EPC2: variants seen among roughly 807,000 people sequenced by gnomAD.
The protein encoded by EPC2 is enhancer of polycomb 2.
A neutral mutation model predicts 92.1 loss-of-function variants in EPC2; 14 were observed. The ratio of observed to expected loss-of-function variants is 0.15; its 90% CI spans 0.10 to 0.24. EPC2 has a LOEUF of 0.24. EPC2 is among the 10% of genes least tolerant of loss of function. The probability of loss-of-function intolerance (pLI) is 1.00; values close to 1 mark genes in which losing one functional copy is unlikely to be tolerated. For synonymous variants in EPC2, 340 were observed against 334.7 expected, an observed-to-expected ratio of 1.02 and a Z score of -0.17; for missense variants, 755 against 971.5, an observed-to-expected ratio of 0.78 and a Z score of 2.96.
chr2:148,689,142 G>A (rs1681590294), intron 1 of EPC2, among the ~76,000 whole-genome samples: 1 of 152,018 alleles, frequency 6.6e-6, no homozygotes, highest in African/African-American at 2.4e-5. Context: ...TTGGAAATGA[G>A]ATAAGAGAGA....
intron 10 of EPC2, among the ~76,000 whole-genome samples, chr2:148,775,775 CTT>C (rs70995334): frequency 1.3e-4 from 12 of 92,288 alleles, no homozygotes; most frequent in African/African-American, 5.0e-4. Flanking sequence ...AATTTCTTTT[CTT>C]TTTTTTTTTT....
At position 148,644,830 on chromosome 2, in the gene EPC2, GCGGGCGCGGGGGGCTGTTTT is replaced by G. The variant is rs1215473186; in HGVS notation, c.-181_-162del. On this transcript the variant is annotated 5_prime_UTR_variant, in exon 1 of 14. Coordinates refer to ENST00000258484, the MANE Select transcript of EPC2 (RefSeq NM_015630.4). ...GCGGATCTAGTGTGTGGAGGCGGCC[GCGGGCGCGGGGGGCTGTTTT>G]CGGGCGGGGTGGGCGCCCATGCTGT... is the stretch of plus-strand genomic sequence containing the variant. 8.4e-5 allele frequency among the ~76,000 whole-genome samples: 1 copy of G among 11,938 alleles called. No homozygotes were observed. Among genetic ancestry groups the G allele is most frequent in the Non-Finnish European group, 1.8e-4 (1 of 5,586 alleles). 7.8% of individuals were successfully genotyped at this position (11,938 alleles called of 152,430 possible).
At chr2:148,679,314 C>A (rs1236464454) in intron 1 of EPC2, among the ~76,000 whole-genome samples, 1 of 152,138 alleles carries the variant, frequency 6.6e-6, no homozygotes, top group Non-Finnish European at 1.5e-5. Flanking sequence ...AAATTTGATT[C>A]TCTTGTAAAA....
At chr2:148,729,381 A>G (rs1029724849) in intron 2 of EPC2, among the ~76,000 whole-genome samples, 4 of 152,206 alleles carry the variant, frequency 2.6e-5, no homozygotes, top group African/African-American at 7.2e-5. Context: ...CAAAGGTAGT[A>G]TAGATAGTTC....
At chr2:148,773,490 T>G (rs994650948) in intron 10 of EPC2, among the ~76,000 whole-genome samples, 1 of 152,162 alleles carries the variant, frequency 6.6e-6, no homozygotes, top group Non-Finnish European at 1.5e-5. Flanking sequence ...ACAAGTAAGG[T>G]ACATTAGAAT....
intron 1 of EPC2, among the ~76,000 whole-genome samples, chr2:148,678,673 C>G (rs576913726): frequency 2.0e-5 from 3 of 152,386 alleles, no homozygotes; most frequent in Admixed American, 2.0e-4. Flanking sequence ...CTGGGGCCGG[C>G]TGCTCCGAGT....
intron 1 of EPC2, among the ~76,000 whole-genome samples, chr2:148,672,194 G>C (rs1157730542): frequency 6.6e-6 from 1 of 152,106 alleles, no homozygotes; most frequent in Non-Finnish European, 1.5e-5. Flanking sequence ...TAACTCATTT[G>C]TCTTTATGTA....
Position 148,722,312 on chromosome 2 carries a change from T to A in EPC2, c.314-21310T>A, listed in dbSNP as rs1177366414. On this transcript the variant is annotated intron_variant, in intron 2 of 13. Transcript: ENST00000258484. ...GGGGGCTGGAGTTGGGTATTTCTCT[T>A]CTCCTGCATGGAAGACTAGAGGCAG... is the stretch of plus-strand genomic sequence containing the variant. 3.3e-5 allele frequency among the ~76,000 whole-genome samples: 5 copies of A among 152,232 alleles called. No individual in the cohort carries two copies. In the East Asian group the frequency reaches 9.7e-4, roughly 29 times the overall value.
chr2:148,771,222 A>G lies in EPC2; in HGVS notation c.1555A>G (p.Asn519Asp), dbSNP rs1279378157. 6.2e-7 allele frequency: 1 copy of G among 1,613,864 alleles called. No individual in the cohort carries two copies. The highest frequency in any genetic ancestry group is 2.2e-5 in the East Asian group (1 of 44,884). ...NRLSLSEILSNIRSCRLQCFQ... is the reference protein window; with the variant it reads ...NRLSLSEILSDIRSCRLQCFQ... ...ACTGTCTCTTTCTGAAATATTAAGC[A>G]ATATCAGATCATGTCGACTACAGTG... The change falls in exon 10 of 14, where the codon AAT becomes GAT. Residue 519 changes from asparagine to aspartate, a missense_variant. Transcript: ENST00000258484.
intron 4 of EPC2, among the ~76,000 whole-genome samples, chr2:148,755,142 T>C (rs1683161817): frequency 1.3e-5 from 2 of 152,190 alleles, no homozygotes. Flanking sequence ...TCTATAATTC[T>C]TGAGGATGTG....
At chr2:148,754,881 C>G (rs578048078) in intron 4 of EPC2, among the ~76,000 whole-genome samples, 2 of 152,188 alleles carry the variant, frequency 1.3e-5, no homozygotes, top group African/African-American at 4.8e-5. Context: ...GAGGAGTATT[C>G]ACTGTCTTCC....
chr2:148,771,839 C>A (rs1031256996), intron 10 of EPC2, among the ~76,000 whole-genome samples: 2 of 151,498 alleles, frequency 1.3e-5, no homozygotes, highest in South Asian at 4.2e-4. Flanking sequence ...CGCTGTGTCG[C>A]CCAGGCTGGA....
At chr2:148,722,749 G>A (rs998068695) in intron 2 of EPC2, among the ~76,000 whole-genome samples, 4 of 152,150 alleles carry the variant, frequency 2.6e-5, no homozygotes, top group Non-Finnish European at 5.9e-5. Context: ...ACTATTCACA[G>A]CAGCAAAGAC....
chr2:148,650,548 C>T (rs555074619), intron 1 of EPC2, among the ~76,000 whole-genome samples: 1 of 152,176 alleles, frequency 6.6e-6, no homozygotes, highest in African/African-American at 2.4e-5. Flanking sequence ...CTACATGAAT[C>T]ATGTGATTCA....
At position 148,679,839 on chromosome 2, in the gene EPC2, A is replaced by G. The variant is rs1206585762; in HGVS notation, c.154-10375A>G. Among the ~76,000 whole-genome samples, 4 of 152,234 alleles carry G rather than the reference A, an allele frequency of 2.6e-5. No individual in the cohort carries two copies. The South Asian group carries it at 8.3e-4, about 32-fold the overall frequency. On this transcript the variant is annotated intron_variant, in intron 1 of 13. Coordinates refer to ENST00000258484, the MANE Select transcript of EPC2 (RefSeq NM_015630.4). ...TTTTATTTTTTTAATAGAGAATCAT[A>G]GTCTCACCATGTTGCCCAGGGTGGT...
intron 1 of EPC2, among the ~76,000 whole-genome samples, chr2:148,651,744 T>C (rs138057476): frequency 2.4e-3 from 364 of 152,274 alleles, no homozygotes; most frequent in South Asian, 6.2e-3. Context: ...CATTTGAGTG[T>C]GTGTTGTTGA....
intron 2 of EPC2, among the ~76,000 whole-genome samples, chr2:148,707,822 C>A (rs928208819): frequency 6.6e-6 from 1 of 152,098 alleles, no homozygotes. Flanking sequence ...CACAACATAC[C>A]GGAATCTCTG....
rs1406800791 is a variant in EPC2, at chr2:148,771,395, G to A, written c.1720+8G>A. The stretch of plus-strand genomic sequence containing the variant: ...GCAAGAATGGCATATCAGGTAAGCT[G>A]TTGCTGTGTTAAAAGTATATCCTGC... On this transcript the variant is annotated splice_region_variant and intron_variant, in intron 10 of 13. Coordinates refer to ENST00000258484, the MANE Select transcript of EPC2 (RefSeq NM_015630.4). 4 of 1,569,122 alleles carry A rather than the reference G, an allele frequency of 2.5e-6. No individual in the cohort carries two copies. In the African/African-American group the frequency reaches 5.5e-5, roughly 22 times the overall value.
intron 1 of EPC2, among the ~76,000 whole-genome samples, chr2:148,671,613 C>A (rs1251445300): frequency 6.6e-6 from 1 of 151,856 alleles, no homozygotes; most frequent in African/African-American, 2.4e-5. Flanking sequence ...GACCCCATCC[C>A]CCCAAAAAAA....
Sources: gnomAD v4.1 joint callset for allele counts (sites outside exome capture counted in the v4.1 genomes callset) on GRCh38, gnomAD v4.1.1 for gene constraint, MANE v1.5 for transcripts, NCBI Gene and HGNC (gene_info 2026-07-23, HGNC 2026-07-21) for gene names.